Variants in SHISA9 observed in about 807,000 individuals in gnomAD.
SHISA9 encodes shisa family member 9.
Under a neutral mutation model 38.0 loss-of-function variants are expected in SHISA9, and 13 were observed. The ratio of observed to expected loss-of-function variants is 0.34; its 90% CI spans 0.22 to 0.54. The LOEUF is 0.54. SHISA9 is among the 20% of genes least tolerant of loss of function. The probability of loss-of-function intolerance (pLI) is 0.91; values close to 1 mark genes in which losing one functional copy is unlikely to be tolerated. For missense variants in SHISA9, 538 were observed against 575.8 expected, an observed-to-expected ratio of 0.93 and a Z score of 0.67; for synonymous variants, 275 against 242.0, an observed-to-expected ratio of 1.14 and a Z score of -1.27.
At chr16:13,475,563 C>T in the SHISA9 span, among the ~76,000 whole-genome samples, 4 of 152,180 alleles carry the variant, frequency 2.6e-5, no homozygotes, top group East Asian at 7.7e-4. Context: ...GACCAATAGT[C>T]CCCAACCTTT....
At chr16:12,944,217 G>T (rs2071660257) in intron 2 of SHISA9, among the ~76,000 whole-genome samples, 1 of 152,200 alleles carries the variant, frequency 6.6e-6, no homozygotes, top group African/African-American at 2.4e-5. Context: ...TAATTTCTCA[G>T]CCTAGTACAA....
chr16:13,271,187 C>G, the SHISA9 span, among the ~76,000 whole-genome samples: 1 of 152,148 alleles, frequency 6.6e-6, no homozygotes, highest in African/African-American at 2.4e-5. Context: ...AATGCAGAAG[C>G]AATGGAATCC....
chr16:13,136,111 G>A (rs967129012), intron 2 of SHISA9, among the ~76,000 whole-genome samples: 4 of 152,130 alleles, frequency 2.6e-5, no homozygotes, highest in African/African-American at 7.2e-5. Context: ...CTCTCTTGAT[G>A]TCTCTGTTTA....
the SHISA9 span, among the ~76,000 whole-genome samples, chr16:13,491,779 T>G: frequency 1.4e-5 from 2 of 143,368 alleles, no homozygotes; most frequent in East Asian, 4.2e-4. Flanking sequence ...CATGAGCCAC[T>G]GCACCTGGCC....
intron 2 of SHISA9, among the ~76,000 whole-genome samples, chr16:13,160,895 C>T (rs2050589647): frequency 1.3e-5 from 2 of 152,172 alleles, no homozygotes; most frequent in African/African-American, 4.8e-5. Context: ...CTTTCCTTTT[C>T]AGGCTGGATG....
At chr16:13,165,655 T>C (rs1379123008) in intron 2 of SHISA9, among the ~76,000 whole-genome samples, 1 of 152,210 alleles carries the variant, frequency 6.6e-6, no homozygotes, top group Non-Finnish European at 1.5e-5. Flanking sequence ...GTAATGTCTT[T>C]CCTCTCTGTC....
At chr16:13,099,289 AAC>A (rs58123101) in intron 2 of SHISA9, among the ~76,000 whole-genome samples, 2 of 151,930 alleles carry the variant, frequency 1.3e-5, no homozygotes, top group Middle Eastern at 3.2e-3. Context: ...AAAAATGAAC[AAC>A]ACACACACAC....
At chr16:13,250,012 G>T in the SHISA9 span, among the ~76,000 whole-genome samples, 1 of 152,156 alleles carries the variant, frequency 6.6e-6, no homozygotes, top group Admixed American at 6.5e-5. Context: ...GGGACTGCAG[G>T]TGTGTGCCAC....
chr16:13,177,706 G>C (rs1273366626), intron 2 of SHISA9, among the ~76,000 whole-genome samples: 1 of 152,058 alleles, frequency 6.6e-6, no homozygotes, highest in Non-Finnish European at 1.5e-5. Flanking sequence ...GTCTTACTCT[G>C]TCGCCCAGGC....
At chr16:13,104,976 T>C (rs74012262) in intron 2 of SHISA9, among the ~76,000 whole-genome samples, 3,576 of 152,308 alleles carry the variant, frequency 0.023, 63 homozygotes, top group Admixed American at 0.048. Context: ...TGGTTGAGCC[T>C]CAGTTTCCCT....
chr16:13,310,970 C>A, the SHISA9 span, among the ~76,000 whole-genome samples: 1 of 152,114 alleles, frequency 6.6e-6, no homozygotes, highest in Non-Finnish European at 1.5e-5. Flanking sequence ...GCGTGAGCCA[C>A]CACACCCGGC....
At chr16:13,551,597 G>T in the SHISA9 span, among the ~76,000 whole-genome samples, 6 of 152,150 alleles carry the variant, frequency 3.9e-5, no homozygotes, top group African/African-American at 1.4e-4. Context: ...ATACATTCAT[G>T]TACATAAGTA....
intron 2 of SHISA9, among the ~76,000 whole-genome samples, chr16:12,991,517 G>A (rs769159197): frequency 7.2e-5 from 11 of 152,312 alleles, no homozygotes; most frequent in Non-Finnish European, 1.0e-4. Flanking sequence ...GAAGTTTGGA[G>A]TGTGAATTGA....
At chr16:13,111,843 G>C (rs1314456534) in intron 2 of SHISA9, among the ~76,000 whole-genome samples, 1 of 152,172 alleles carries the variant, frequency 6.6e-6, no homozygotes, top group African/African-American at 2.4e-5. Flanking sequence ...ATTGTTCCTG[G>C]ATAGGTGAGA....
rs890728900 is a variant in SHISA9 at position 13,148,050 on chromosome 16, T to C, written c.692-55344T>C. ...AGAAGGACCTAGGGTGTTCTAAACA[T>C]TGGGGAGGGGTGCTCAGGACTCTGC... On this transcript the variant is annotated intron_variant, in intron 2 of 4. Coordinates refer to ENST00000558583, the MANE Select transcript of SHISA9 (RefSeq NM_001145204.3). Among the ~76,000 whole-genome samples, 8 of 152,132 alleles carry C rather than the reference T, an allele frequency of 5.3e-5. No individual in the cohort carries two copies. The South Asian group carries it at 8.3e-4, about 16-fold the overall frequency.
At chr16:13,436,423 C>T in the SHISA9 span, among the ~76,000 whole-genome samples, 1 of 152,138 alleles carries the variant, frequency 6.6e-6, no homozygotes, top group African/African-American at 2.4e-5. Flanking sequence ...CCCATATGGC[C>T]TAAAAAGAAG....
intron 2 of SHISA9, among the ~76,000 whole-genome samples, chr16:13,071,672 C>T (rs2073520336): frequency 6.6e-6 from 1 of 151,456 alleles, no homozygotes; most frequent in Non-Finnish European, 1.5e-5. Context: ...GACAGAGTCT[C>T]TGTCACTCAG....
chr16:13,085,416 G>T (rs552181001), intron 2 of SHISA9, among the ~76,000 whole-genome samples: 1 of 152,082 alleles, frequency 6.6e-6, no homozygotes, highest in Non-Finnish European at 1.5e-5. Context: ...GATAAAAGCC[G>T]ATGTCTCATC....
intron 2 of SHISA9, among the ~76,000 whole-genome samples, chr16:13,099,985 C>T (rs946816475): frequency 5.3e-5 from 8 of 152,150 alleles, no homozygotes; most frequent in African/African-American, 9.7e-5. Context: ...ATCCAGACAC[C>T]GACAGGAGCC....
Sources: allele counts gnomAD v4.1 joint callset (sites outside exome capture counted in the v4.1 genomes callset), GRCh38; gene constraint gnomAD v4.1.1; transcripts MANE v1.5; gene names NCBI Gene and HGNC (gene_info 2026-07-23, HGNC 2026-07-21).